GAS7: variants seen among roughly 807,000 people sequenced by gnomAD.
The protein encoded by GAS7 is growth arrest-specific protein 7.
In GAS7, 28 loss-of-function variants were observed where a neutral mutation model predicts 71.1. That is an observed-to-expected ratio of 0.39 (90% confidence interval 0.29 to 0.54). GAS7 has a LOEUF of 0.54. Among genes scored for constraint, GAS7 ranks in the 20% least tolerant of loss-of-function variants. GAS7 has a pLI of 0.62. For missense variants in GAS7, 436 were observed against 627.8 expected, an observed-to-expected ratio of 0.69 and a Z score of 3.27; for synonymous variants, 258 against 245.8, an observed-to-expected ratio of 1.05 and a Z score of -0.46.
At chr17:10,105,094 G>A (rs1363993462) in intron 1 of GAS7, among the ~76,000 whole-genome samples, 3 of 152,170 alleles carry the variant, frequency 2.0e-5, no homozygotes, top group Non-Finnish European at 4.4e-5. Flanking sequence ...GCTGTCCAAT[G>A]CAGGAGACTC....
At chr17:10,060,056 T>C (rs923635741) in intron 1 of GAS7, among the ~76,000 whole-genome samples, 1 of 152,138 alleles carries the variant, frequency 6.6e-6, no homozygotes, top group African/African-American at 2.4e-5. Flanking sequence ...GCAGCAGCCA[T>C]CATCCCCTGC....
At chr17:9,930,321 T>G (rs961164357) in intron 9 of GAS7, among the ~76,000 whole-genome samples, 2 of 152,208 alleles carry the variant, frequency 1.3e-5, no homozygotes, top group African/African-American at 4.8e-5. Context: ...GTAAAGAGAC[T>G]GATCTGGTCT....
chr17:10,076,451 GGGAAA>G (rs999418814), intron 1 of GAS7, among the ~76,000 whole-genome samples: 16 of 147,856 alleles, frequency 1.1e-4, no homozygotes, highest in African/African-American at 3.0e-4. Context: ...AGTCGGGGGA[GGGAAA>G]GGAAAGGAAA....
intron 2 of GAS7, among the ~76,000 whole-genome samples, chr17:9,996,593 A>ATGTGTG (rs10598229): frequency 2.0e-5 from 3 of 146,800 alleles, no homozygotes; most frequent in Non-Finnish European, 1.5e-5. Context: ...CTATATATAT[A>ATGTGTG]TGTGTGTGTG....
chr17:10,059,761 G>A, intron 1 of GAS7: 1 of 984,686 alleles, frequency 1.0e-6, no homozygotes, highest in Non-Finnish European at 1.2e-6. Flanking sequence ...CCCCACATCC[G>A]CTGCTTCCCC....
intron 1 of GAS7, among the ~76,000 whole-genome samples, chr17:10,132,000 T>C (rs186095711): frequency 1.3e-5 from 2 of 152,286 alleles, no homozygotes; most frequent in South Asian, 2.1e-4. Context: ...TATAAAAACA[T>C]GTTAATGCAT....
chr17:10,096,530 C>T (rs1020840012), intron 1 of GAS7, among the ~76,000 whole-genome samples: 1 of 152,208 alleles, frequency 6.6e-6, no homozygotes, highest in African/African-American at 2.4e-5. Context: ...GGCCTTCTTC[C>T]AAGGATGGCA....
intron 1 of GAS7, chr17:10,036,532 C>T: frequency 6.3e-7 from 1 of 1,599,546 alleles, no homozygotes; most frequent in Non-Finnish European, 8.5e-7. Flanking sequence ...ACTCCGCCGG[C>T]TTCCTCTTCA....
At chr17:10,157,196 G>C (rs116306486) in intron 1 of GAS7, among the ~76,000 whole-genome samples, 2 of 152,120 alleles carry the variant, frequency 1.3e-5, no homozygotes, top group African/African-American at 4.8e-5. Flanking sequence ...TTACAAACCC[G>C]CAGCAAACCC....
intron 1 of GAS7, among the ~76,000 whole-genome samples, chr17:10,054,128 A>C (rs889140170): frequency 1.3e-5 from 2 of 152,174 alleles, no homozygotes; most frequent in Non-Finnish European, 2.9e-5. Context: ...TAGGAAACAT[A>C]AATTCACTTT....
intron 1 of GAS7, among the ~76,000 whole-genome samples, chr17:10,126,499 C>A (rs1167977488): frequency 6.6e-6 from 1 of 151,168 alleles, no homozygotes; most frequent in East Asian, 2.0e-4. Context: ...CTCACATACA[C>A]ACAAACACGT....
chr17:10,196,641 A>T (rs2074542530), intron 1 of GAS7, among the ~76,000 whole-genome samples: 2 of 152,124 alleles, frequency 1.3e-5, no homozygotes, highest in South Asian at 4.1e-4. Context: ...CCTCACCCCT[A>T]CACAAAACAC....
chr17:9,940,862 G>C (rs962322150), intron 7 of GAS7, among the ~76,000 whole-genome samples: 1 of 152,232 alleles, frequency 6.6e-6, no homozygotes, highest in Non-Finnish European at 1.5e-5. Flanking sequence ...TATCTGGCAC[G>C]TCCATGTTAA....
chr17:10,025,806 G>C (rs1168917385), intron 1 of GAS7, among the ~76,000 whole-genome samples: 1 of 152,150 alleles, frequency 6.6e-6, no homozygotes, highest in Non-Finnish European at 1.5e-5. Context: ...GTGCTCTAAA[G>C]CCACTCCGTT....
intron 1 of GAS7, among the ~76,000 whole-genome samples, chr17:10,174,877 A>C (rs1428291500): frequency 1.3e-5 from 2 of 151,636 alleles, no homozygotes; most frequent in Admixed American, 1.3e-4. Flanking sequence ...ACAGGGTCTC[A>C]CTCTGTCACC....
intron 2 of GAS7, among the ~76,000 whole-genome samples, chr17:9,992,480 G>C (rs374265724): frequency 6.6e-6 from 1 of 152,080 alleles, no homozygotes; most frequent in Admixed American, 6.6e-5. Flanking sequence ...AAAAGGTTCC[G>C]GGGAGAAGGT....
At chr17:9,918,935 G>A (rs576785112) in intron 12 of GAS7, among the ~76,000 whole-genome samples, 1 of 152,256 alleles carries the variant, frequency 6.6e-6, no homozygotes, top group South Asian at 2.1e-4. Context: ...ATCTGCTCTG[G>A]TGGGCTGACA....
At chr17:10,085,940 T>C (rs908151786) in intron 1 of GAS7, among the ~76,000 whole-genome samples, 1 of 152,174 alleles carries the variant, frequency 6.6e-6, no homozygotes, top group African/African-American at 2.4e-5. Context: ...AGCCTAGCTC[T>C]TGTCACTTCA....
intron 1 of GAS7, among the ~76,000 whole-genome samples, chr17:10,114,754 A>G (rs2073844605): frequency 6.6e-6 from 1 of 152,020 alleles, no homozygotes; most frequent in Non-Finnish European, 1.5e-5. Context: ...GACAGCTTTG[A>G]AAGCCACAGA....
Sources: gnomAD v4.1 joint callset for allele counts (sites outside exome capture counted in the v4.1 genomes callset) on GRCh38, gnomAD v4.1.1 for gene constraint, MANE v1.5 for transcripts, NCBI Gene and HGNC (gene_info 2026-07-23, HGNC 2026-07-21) for gene names.